GALNT17: variants seen among roughly 807,000 people sequenced by gnomAD.
The protein encoded by GALNT17 is UDP-GalNAc:polypeptide N-acetylgalactosaminyltransferase-like 3.
Under a neutral mutation model 63.7 loss-of-function variants are expected in GALNT17, and 29 were observed. The ratio of observed to expected loss-of-function variants is 0.46; its 90% CI spans 0.34 to 0.62. The LOEUF (loss-of-function observed/expected upper bound fraction) is 0.62, where lower values mean the gene tolerates loss of function less well. Ranked by LOEUF, GALNT17 falls within the 20% of genes least tolerant of loss-of-function variation. The pLI, the probability that GALNT17 is intolerant of heterozygous loss-of-function variation, is 0.01. For missense variants in GALNT17, 603 were observed against 799.6 expected (o/e 0.75, Z 2.97); for synonymous variants, 305 against 318.3 (o/e 0.96, Z 0.45).
rs1280972596 is a variant in GALNT17, at chr7:71,445,363, G to T, written c.962+24258G>T. ...CCGGCTAATTTTTGTATTTTTGTTTGTTTTTTTTTTTTAAGTGTAGATGGG... is the reference window on the plus strand; with the variant it reads ...CCGGCTAATTTTTGTATTTTTGTTTTTTTTTTTTTTTTAAGTGTAGATGGG... On this transcript the variant is annotated intron_variant, in intron 5 of 10. Coordinates refer to ENST00000333538, the MANE Select transcript of GALNT17 (RefSeq NM_022479.3). 4.0e-4 allele frequency among the ~76,000 whole-genome samples: 56 copies of T among 141,102 alleles called. No individual in the cohort carries two copies. In the East Asian group the frequency reaches 4.3e-3, roughly 11 times the overall value. 92.6% of individuals were successfully genotyped at this position (141,102 alleles called of 152,430 possible).
chr7:71,434,334 G>A (rs1363860712), intron 5 of GALNT17, among the ~76,000 whole-genome samples: 1 of 152,146 alleles, frequency 6.6e-6, no homozygotes, highest in African/African-American at 2.4e-5. Context: ...CTTGGTGAAG[G>A]TTTAGCATCA....
intron 1 of GALNT17, among the ~76,000 whole-genome samples, chr7:71,303,868 G>T (rs1312070586): frequency 6.6e-6 from 1 of 152,068 alleles, no homozygotes; most frequent in Non-Finnish European, 1.5e-5. Context: ...TTCTCTGCAG[G>T]ATCCAAATAA....
rs1793139126 is a variant in GALNT17 at position 71,396,306 on chromosome 7, G to A, written c.589+7905G>A. Among the ~76,000 whole-genome samples, 3 of 152,062 alleles carry A rather than the reference G, an allele frequency of 2.0e-5. No individual in the cohort carries two copies. In the South Asian group the frequency reaches 6.2e-4, roughly 32 times the overall value. ...AATTTTTGTATATGGTTTGAGGTAG[G>A]GATCCAAATTCTTTCTATTTTTCTT... On this transcript the variant is annotated intron_variant, in intron 3 of 10. Transcript: ENST00000333538.
At chr7:71,446,776 T>G (rs1787169691) in intron 5 of GALNT17, among the ~76,000 whole-genome samples, 1 of 152,244 alleles carries the variant, frequency 6.6e-6, no homozygotes, top group African/African-American at 2.4e-5. Context: ...CTCGAACTCC[T>G]GACCTCAAGT....
intron 6 of GALNT17, among the ~76,000 whole-genome samples, chr7:71,609,954 C>T (rs1237811693): frequency 1.3e-5 from 2 of 151,932 alleles, no homozygotes; most frequent in African/African-American, 2.4e-5. Context: ...TGAATGAACA[C>T]ATATAATTAA....
chr7:71,357,536 C>T (rs945361298), intron 2 of GALNT17, among the ~76,000 whole-genome samples: 12 of 152,116 alleles, frequency 7.9e-5, no homozygotes, highest in African/African-American at 2.7e-4. Flanking sequence ...TCCCATTCAC[C>T]ACTCAGTGTT....
At chr7:71,679,792 A>G (rs763581958) in intron 9 of GALNT17, among the ~76,000 whole-genome samples, 2 of 151,952 alleles carry the variant, frequency 1.3e-5, no homozygotes, top group African/African-American at 2.4e-5. Context: ...CGACAACACC[A>G]GCTCCTGGGC....
chr7:71,468,579 G>A (rs1429278167), intron 5 of GALNT17, among the ~76,000 whole-genome samples: 2 of 151,932 alleles, frequency 1.3e-5, no homozygotes, highest in East Asian at 1.9e-4. Flanking sequence ...ACCATGCCTG[G>A]CTAATTTTTT....
At chr7:71,495,716 G>A (rs1041240054) in intron 5 of GALNT17, among the ~76,000 whole-genome samples, 7 of 152,128 alleles carry the variant, frequency 4.6e-5, no homozygotes, top group Admixed American at 3.3e-4. Context: ...CACATGTAGA[G>A]GCTGATCATT....
At chr7:71,569,591 T>C (rs1305436320) in intron 5 of GALNT17, among the ~76,000 whole-genome samples, 1 of 152,228 alleles carries the variant, frequency 6.6e-6, no homozygotes, top group African/African-American at 2.4e-5. Context: ...CATTGCATTT[T>C]CAAAGGAGCT....
In GALNT17 at chr7:71,520,004, A is replaced by G. The variant is rs1788504264; in HGVS notation, c.963-51281A>G. On this transcript the variant is annotated intron_variant, in intron 5 of 10. Coordinates refer to ENST00000333538, the MANE Select transcript of GALNT17 (RefSeq NM_022479.3). ...ATCATGCAGAAAAACCATTATACTG[A>G]TTACTTACTATGTGCTGAGCTTCAC... Among the ~76,000 whole-genome samples the G allele has an allele frequency of 3.3e-5, 5 of 152,186 alleles. No homozygotes were observed. The South Asian group carries it at 1.0e-3, about 32-fold the overall frequency.
chr7:71,290,133 C>T (rs1790954124), intron 1 of GALNT17, among the ~76,000 whole-genome samples: 1 of 152,196 alleles, frequency 6.6e-6, no homozygotes, highest in Non-Finnish European at 1.5e-5. Context: ...TGCATGATAG[C>T]ATGCAACCAT....
At chr7:71,256,909 G>C in intron 1 of GALNT17, among the ~76,000 whole-genome samples, 1 of 152,164 alleles carries the variant, frequency 6.6e-6, no homozygotes, top group East Asian at 1.9e-4. Flanking sequence ...GAGAGGTATA[G>C]ATTTCCAATG....
intron 1 of GALNT17, among the ~76,000 whole-genome samples, chr7:71,282,572 A>G (rs967732741): frequency 5.9e-5 from 9 of 152,198 alleles, no homozygotes; most frequent in African/African-American, 1.7e-4. Flanking sequence ...TGTATGTTCC[A>G]AAAGGAAAAT....
At chr7:71,365,805 G>A (rs1474498002) in intron 2 of GALNT17, among the ~76,000 whole-genome samples, 1 of 152,088 alleles carries the variant, frequency 6.6e-6, no homozygotes, top group African/African-American at 2.4e-5. Context: ...CTATGAACTG[G>A]GGGTGAGGGG....
intron 2 of GALNT17, among the ~76,000 whole-genome samples, chr7:71,338,469 G>C (rs954966774): frequency 1.3e-5 from 2 of 152,118 alleles, no homozygotes; most frequent in African/African-American, 4.8e-5. Context: ...TCTGCAGTAA[G>C]CCATCGTGGC....
chr7:71,488,544 T>G (rs1240436073), intron 5 of GALNT17, among the ~76,000 whole-genome samples: 2 of 151,420 alleles, frequency 1.3e-5, no homozygotes, highest in Non-Finnish European at 1.5e-5. Flanking sequence ...CCCCCAGATA[T>G]TCCCACTGGG....
intron 1 of GALNT17, among the ~76,000 whole-genome samples, chr7:71,197,500 G>T (rs907374572): frequency 1.3e-5 from 2 of 151,806 alleles, no homozygotes; most frequent in African/African-American, 4.8e-5. Flanking sequence ...GAGACACCGC[G>T]CCTGGCCCTG....
intron 1 of GALNT17, among the ~76,000 whole-genome samples, chr7:71,265,112 ATATATATTTTTTTT>A (rs1562957625): frequency 1.1e-4 from 5 of 44,590 alleles, no homozygotes; most frequent in Non-Finnish European, 2.8e-4. Flanking sequence ...ATATATATAT[ATATATATTTTTTTT>A]TTTTTTTTTT....
Sources: allele counts gnomAD v4.1 joint callset (sites outside exome capture counted in the v4.1 genomes callset), GRCh38; gene constraint gnomAD v4.1.1; transcripts MANE v1.5; gene names NCBI Gene and HGNC (gene_info 2026-07-23, HGNC 2026-07-21).